The following RGS21 variants were observed in gnomAD, a reference collection of about 807,000 sequenced individuals.
RGS21 encodes regulator of G protein signaling 21.
Under a neutral mutation model 18.7 loss-of-function variants are expected in RGS21, and 19 were observed. That is an observed-to-expected ratio of 1.01 (90% CI 0.71 to 1.49). The LOEUF (loss-of-function observed/expected upper bound fraction) is 1.49. Ranked by LOEUF, RGS21 falls within the 40% of genes most tolerant of loss-of-function variation. The probability of loss-of-function intolerance (pLI) is 0.00; values close to 1 mark genes in which losing one functional copy is unlikely to be tolerated. For missense variants in RGS21, 194 were observed against 176.8 expected, an observed-to-expected ratio of 1.10 and a Z score of -0.55; for synonymous variants, 56 against 57.8, an observed-to-expected ratio of 0.97 and a Z score of 0.14.
chr1:192,351,339 T>G (rs1659037743), intron 3 of RGS21, among the ~76,000 whole-genome samples: 1 of 152,126 alleles, frequency 6.6e-6, no homozygotes, highest in African/African-American at 2.4e-5. Flanking sequence ...GCCTATATAT[T>G]TATCCAAAAC....
At chr1:192,324,849 C>T (rs1658545096) in intron 1 of RGS21, among the ~76,000 whole-genome samples, 1 of 151,932 alleles carries the variant, frequency 6.6e-6, no homozygotes, top group Non-Finnish European at 1.5e-5. Flanking sequence ...CAACAAATGT[C>T]TTAGTAACAT....
intron 3 of RGS21, 67 bp downstream of exon 3, chr1:192,347,456 T>G: frequency 1.3e-6 from 1 of 783,296 alleles, no homozygotes; most frequent in Non-Finnish European, 2.2e-6. Context: ...TTCTGAAAGT[T>G]GGTAACATAT....
At chr1:192,351,803 A>T (rs1351970739) in intron 3 of RGS21, among the ~76,000 whole-genome samples, 1 of 147,730 alleles carries the variant, frequency 6.8e-6, no homozygotes, top group Non-Finnish European at 1.5e-5. Context: ...TATAGCACAT[A>T]TAACATATAT....
chr1:192,335,831 T>C (rs549913592), intron 1 of RGS21, among the ~76,000 whole-genome samples: 13 of 152,230 alleles, frequency 8.5e-5, no homozygotes, highest in Middle Eastern at 3.4e-3. Context: ...ACAGTGGGAC[T>C]TTCAGGGAAT....
intron 1 of RGS21, among the ~76,000 whole-genome samples, chr1:192,332,412 G>A (rs1658671413): frequency 6.6e-6 from 1 of 152,060 alleles, no homozygotes; most frequent in African/African-American, 2.4e-5. Flanking sequence ...ATATCAATAG[G>A]CAAAAAAGTC....
chr1:192,347,058 T>C (rs986387954), intron 2 of RGS21, among the ~76,000 whole-genome samples: 11 of 152,176 alleles, frequency 7.2e-5, no homozygotes, highest in Non-Finnish European at 1.6e-4. Context: ...TTTATGCCTT[T>C]ATTAGAATTT....
intron 4 of RGS21, 97 bp downstream of exon 4, chr1:192,352,310 C>A: frequency 1.2e-6 from 1 of 822,076 alleles, no homozygotes; most frequent in Non-Finnish European, 1.8e-6. Context: ...ATCAAATTCT[C>A]AGTATGTGTT....
intron 4 of RGS21, among the ~76,000 whole-genome samples, chr1:192,364,250 C>T (rs1659224644): frequency 6.6e-6 from 1 of 151,942 alleles, no homozygotes; most frequent in South Asian, 2.1e-4. Context: ...GGCACTTGTT[C>T]TGGAACTTTG....
chr1:192,319,277 C>G (rs1462752697), intron 1 of RGS21, among the ~76,000 whole-genome samples: 1 of 151,986 alleles, frequency 6.6e-6, no homozygotes, highest in Non-Finnish European at 1.5e-5. Flanking sequence ...ATCCAATGAG[C>G]TTTTAACATG....
At chr1:192,348,361 C>T (rs1463477603) in intron 3 of RGS21, among the ~76,000 whole-genome samples, 1 of 152,004 alleles carries the variant, frequency 6.6e-6, no homozygotes, top group Non-Finnish European at 1.5e-5. Context: ...GCCTTTGGTA[C>T]AAGTTGAAAG....
At chr1:192,317,967 T>C (rs1658442852) in intron 1 of RGS21, among the ~76,000 whole-genome samples, 1 of 152,056 alleles carries the variant, frequency 6.6e-6, no homozygotes, top group Non-Finnish European at 1.5e-5. Context: ...CATTTACTAG[T>C]ACATGTATTA....
chr1:192,350,793 G>A (rs920525043), intron 3 of RGS21, among the ~76,000 whole-genome samples: 3 of 152,158 alleles, frequency 2.0e-5, no homozygotes, highest in African/African-American at 4.8e-5. Flanking sequence ...CTAACTAGAG[G>A]CACTTACCTT....
In RGS21 at chr1:192,320,499, A is replaced by AACGTGTATGTGTATGTGTATATGT. The variant is rs1444184180; in HGVS notation, c.-61+3395_-61+3396insCGTGTATGTGTATGTGTATATGTA. 7.3e-3 allele frequency among the ~76,000 whole-genome samples: 842 copies of AACGTGTATGTGTATGTGTATATGT among 115,130 alleles called. 17 individuals are homozygous for AACGTGTATGTGTATGTGTATATGT. Among genetic ancestry groups the AACGTGTATGTGTATGTGTATATGT allele is most frequent in the African/African-American group, 0.025 (776 of 30,908 alleles). 75.5% of individuals were successfully genotyped at this position (115,130 alleles called of 152,430 possible). A position where few individuals can be genotyped will look rare whatever the true frequency, so the allele number is the denominator to read the frequency against. ...GCACAGACCATGTAAAATGTAAAGG[A>AACGTGTATGTGTATGTGTATATGT]ATGTGTATGTGTATGTGTATGTGTA... On this transcript the variant is annotated intron_variant, in intron 1 of 4. Coordinates refer to ENST00000417209, the MANE Select transcript of RGS21 (RefSeq NM_001039152.3).
chr1:192,340,508 T>C (rs1278488817), intron 1 of RGS21, among the ~76,000 whole-genome samples: 1 of 152,120 alleles, frequency 6.6e-6, no homozygotes, highest in African/African-American at 2.4e-5. Context: ...ACCTTCCTTC[T>C]CTTAAGGAGG....
intron 2 of RGS21, among the ~76,000 whole-genome samples, chr1:192,344,893 C>T (rs1026392621): frequency 1.3e-5 from 2 of 151,968 alleles, no homozygotes; most frequent in African/African-American, 4.8e-5. Flanking sequence ...TTTTGTGGAC[C>T]TTGATTAATA....
intron 3 of RGS21, among the ~76,000 whole-genome samples, chr1:192,350,071 G>A (rs879534667): frequency 6.6e-6 from 1 of 152,122 alleles, no homozygotes. Context: ...TTACTAAGGG[G>A]ATTTTTATAA....
At chr1:192,335,740 T>C (rs1281497086) in intron 1 of RGS21, among the ~76,000 whole-genome samples, 1 of 152,168 alleles carries the variant, frequency 6.6e-6, no homozygotes, top group East Asian at 1.9e-4. Context: ...TTTTAAGCTA[T>C]GCCTTGAGAA....
intron 2 of RGS21, among the ~76,000 whole-genome samples, chr1:192,345,876 CTTAT>C (rs1424053279): frequency 2.0e-5 from 3 of 151,906 alleles, no homozygotes; most frequent in Non-Finnish European, 4.4e-5. Flanking sequence ...ATAACATAAG[CTTAT>C]TTGAGTAACA....
intron 1 of RGS21, among the ~76,000 whole-genome samples, chr1:192,320,712 C>A (rs1259262159): frequency 6.6e-6 from 1 of 152,006 alleles, no homozygotes; most frequent in African/African-American, 2.4e-5. Flanking sequence ...TAACTTCCTA[C>A]TGCTACATTA....
Sources: allele counts gnomAD v4.1 joint callset (sites outside exome capture counted in the v4.1 genomes callset), GRCh38; gene constraint gnomAD v4.1.1; transcripts MANE v1.5; gene names NCBI Gene and HGNC (gene_info 2026-07-23, HGNC 2026-07-21).